TTC17: variants seen among roughly 807,000 people sequenced by gnomAD.
TTC17 encodes the protein tetratricopeptide repeat protein 17.
Under a neutral mutation model 143.8 loss-of-function variants are expected in TTC17, and 58 were observed. The observed-to-expected ratio is 0.40, with a 90% CI of 0.33 to 0.50. The LOEUF (loss-of-function observed/expected upper bound fraction) is 0.50. Among genes scored for constraint, TTC17 ranks in the 20% least tolerant of loss-of-function variants. The pLI, the probability that TTC17 is intolerant of heterozygous loss-of-function variation, is 0.49. For synonymous variants in TTC17, 501 were observed against 497.8 expected (o/e 1.01, Z -0.09); for missense variants, 1,273 against 1,392.5 (o/e 0.91, Z 1.37).
chr11:43,425,527 A>G (rs967956474), intron 16 of TTC17, among the ~76,000 whole-genome samples: 16 of 152,078 alleles, frequency 1.1e-4, no homozygotes, highest in African/African-American at 3.4e-4. Flanking sequence ...ATATTTAATC[A>G]TTGTATGATC....
At chr11:43,402,936 T>A (rs976350459) in intron 10 of TTC17, among the ~76,000 whole-genome samples, 2 of 152,120 alleles carry the variant, frequency 1.3e-5, no homozygotes, top group East Asian at 1.9e-4. Flanking sequence ...TCTGGAAAAA[T>A]CCAGACTGCA....
At chr11:43,394,642 T>C (rs754197480) in intron 5 of TTC17, among the ~76,000 whole-genome samples, 1 of 152,070 alleles carries the variant, frequency 6.6e-6, no homozygotes, top group Non-Finnish European at 1.5e-5. Context: ...GAAGAGAAAA[T>C]AAGAGTTCTA....
intron 1 of TTC17, 95 bp downstream of exon 1, chr11:43,359,208 G>A (rs1855989491): frequency 1.4e-6 from 2 of 1,402,414 alleles, no homozygotes; most frequent in Non-Finnish European, 1.9e-6. Context: ...GCGCGGCCCC[G>A]CCCCCAGCCT....
At chr11:43,362,695 T>G (rs923668099) in intron 1 of TTC17, among the ~76,000 whole-genome samples, 5 of 152,170 alleles carry the variant, frequency 3.3e-5, no homozygotes, top group Non-Finnish European at 7.4e-5. Flanking sequence ...GCAGCCTTAA[T>G]TGATCTTCCT....
chr11:43,490,335 C>T lies in TTC17; in HGVS notation c.3127C>T (p.His1043Tyr), dbSNP rs1948451861. ...AATCGACTGCCTCCGCCAGGCTCTG[C>T]ACTATGCGCCACACCAGATGAAGGT... ...KAIDCLRQAL[H>Y]YAPHQMKDVP... Residue 1043 changes from histidine to tyrosine, a missense_variant, in exon 22 of 24, where the codon CAC (histidine) becomes TAC (tyrosine). Transcript: ENST00000039989. The T allele has an allele frequency of 1.2e-6, 2 of 1,609,260 alleles. No homozygotes were observed. The highest frequency in any genetic ancestry group is 4.5e-5 in the East Asian group (2 of 44,792).
chr11:43,466,799 G>A, intron 21 of TTC17: 1 of 311,030 alleles, frequency 3.2e-6, no homozygotes, highest in Non-Finnish European at 6.4e-6. Flanking sequence ...TGAATATTGT[G>A]GAAGCCATGG....
intron 21 of TTC17, among the ~76,000 whole-genome samples, chr11:43,453,487 G>A (rs1332152914): frequency 2.0e-5 from 3 of 152,136 alleles, no homozygotes; most frequent in Non-Finnish European, 4.4e-5. Context: ...TAAAAAAAGA[G>A]GAGCTATGGA....
intron 19 of TTC17, 70 bp downstream of exon 19, chr11:43,448,192 C>T: frequency 6.3e-7 from 1 of 1,575,108 alleles, no homozygotes; most frequent in Non-Finnish European, 8.6e-7. Context: ...CTTTAAGGAT[C>T]CCCTCTTAGC....
rs766879825 is a variant in TTC17 at position 43,494,342 on chromosome 11, G to T, written c.*438G>T. On this transcript the variant is annotated 3_prime_UTR_variant, in exon 24 of 24. Coordinates refer to ENST00000039989, the MANE Select transcript of TTC17 (RefSeq NM_018259.6). The stretch of plus-strand genomic sequence containing the variant: ...AAATGCGGAAGCCCATCTGGTGCCC[G>T]TCAGTGAGAAGCAACGTTCTGCGCT... The T allele has an allele frequency of 6.8e-4, 108 of 158,982 alleles. 1 individual carries two copies. The highest frequency in any genetic ancestry group is 1.3e-3 in the Non-Finnish European group (91 of 71,712). 9.8% of individuals were successfully genotyped at this position (158,982 alleles called of 1,614,324 possible).
chr11:43,475,820 T>A lies in TTC17; in HGVS notation c.3031-14419T>A, dbSNP rs534586518. ...ACCTGTACTATTTTCAATAATGTTG[T>A]TAATGATATTGATAGTGTTCTTCTG... On this transcript the variant is annotated intron_variant, in intron 21 of 23. Coordinates refer to ENST00000039989, the MANE Select transcript of TTC17 (RefSeq NM_018259.6). Among the ~76,000 whole-genome samples, 10 of 152,336 alleles carry A rather than the reference T, an allele frequency of 6.6e-5. No homozygotes were observed. In the East Asian group the frequency reaches 1.7e-3, roughly 26 times the overall value.
intron 11 of TTC17, among the ~76,000 whole-genome samples, chr11:43,404,802 G>A (rs1197260413): frequency 6.6e-6 from 1 of 152,092 alleles, no homozygotes; most frequent in African/African-American, 2.4e-5. Flanking sequence ...AGTTTAGTAA[G>A]CCTCTGGTAC....
At chr11:43,491,801 G>T in intron 22 of TTC17, 1 of 580,518 alleles carries the variant, frequency 1.7e-6, no homozygotes, top group Non-Finnish European at 3.0e-6. Flanking sequence ...GTTTGTTTTC[G>T]AAGCAAGACT....
At chr11:43,491,061 A>G (rs530394958) in intron 22 of TTC17, 30 of 152,248 alleles carry the variant, frequency 2.0e-4, no homozygotes, top group African/African-American at 5.5e-4. Context: ...AAGGCAATGT[A>G]TGGAATGATG....
intron 13 of TTC17, among the ~76,000 whole-genome samples, chr11:43,406,550 A>T (rs1308427964): frequency 6.6e-6 from 1 of 150,906 alleles, no homozygotes; most frequent in Admixed American, 6.6e-5. Flanking sequence ...TAGCAATCAC[A>T]GACCATCACA....
intron 5 of TTC17, 114 bp downstream of exon 5, chr11:43,392,066 A>G: frequency 1.6e-6 from 2 of 1,265,378 alleles, no homozygotes; most frequent in Non-Finnish European, 2.1e-6. Context: ...CTAGAAGACG[A>G]TTTAAAATTA....
chr11:43,432,282 G>A (rs1444129954), intron 16 of TTC17, among the ~76,000 whole-genome samples: 3 of 152,156 alleles, frequency 2.0e-5, no homozygotes, highest in Non-Finnish European at 4.4e-5. Context: ...TGTAGGATAG[G>A]TTAGTATTAA....
intron 10 of TTC17, 146 bp from the exon 11 acceptor site, chr11:43,403,851 TA>T: frequency 1.7e-6 from 1 of 584,806 alleles, no homozygotes; most frequent in South Asian, 2.4e-5. Flanking sequence ...GCATAGTTCT[TA>T]AAAGATCCAA....
intron 2 of TTC17, among the ~76,000 whole-genome samples, chr11:43,385,116 A>C (rs1426817840): frequency 6.6e-6 from 1 of 152,234 alleles, no homozygotes; most frequent in Non-Finnish European, 1.5e-5. Context: ...GATTTTGCAG[A>C]TCTTTATCAG....
chr11:43,486,375 A>C (rs1297369057), intron 21 of TTC17: 1 of 445,596 alleles, frequency 2.2e-6, no homozygotes, highest in Non-Finnish European at 4.5e-6. Flanking sequence ...AGATTGAAAA[A>C]AAATAGTAGA....
Sources: gnomAD v4.1 joint callset for allele counts (sites outside exome capture counted in the v4.1 genomes callset) on GRCh38, gnomAD v4.1.1 for gene constraint, MANE v1.5 for transcripts, NCBI Gene and HGNC (gene_info 2026-07-23, HGNC 2026-07-21) for gene names.